The following RBFOX3 variants were observed in gnomAD, a reference collection of about 807,000 sequenced individuals.
RBFOX3 encodes RNA binding protein fox-1 homolog 3.
A neutral mutation model predicts 48.7 loss-of-function variants in RBFOX3; 17 were observed. That is an observed-to-expected ratio of 0.35 (90% confidence interval 0.24 to 0.52). RBFOX3 has a LOEUF of 0.52. Among genes scored for constraint, RBFOX3 ranks in the 20% least tolerant of loss-of-function variants. The pLI is 0.94. For missense variants in RBFOX3, 382 were observed against 497.5 expected (o/e 0.77, Z 2.21); for synonymous variants, 212 against 209.5 (o/e 1.01, Z -0.10).
At chr17:79,182,329 G>A (rs985586501) in intron 4 of RBFOX3, among the ~76,000 whole-genome samples, 1 of 152,204 alleles carries the variant, frequency 6.6e-6, no homozygotes, top group Non-Finnish European at 1.5e-5. Flanking sequence ...CACAGCGCCA[G>A]GAGGAAGAGA....
rs748783939 is a variant in RBFOX3 at position 79,204,408 on chromosome 17, A to T, written c.-34+31358T>A. On this transcript the variant is annotated intron_variant, in intron 4 of 14. Coordinates refer to ENST00000693108, the MANE Select transcript of RBFOX3 (RefSeq NM_001350451.2). The surrounding 1 kb of genome is among the most constrained non-coding windows in gnomAD (Gnocchi z 4.5). Reference sequence around the variant, plus strand: ...GAGGAGAGATTACTGACGTGAAAGTAACTTCTCATGACTCAGGGCTTAATA... The same window carrying T: ...GAGGAGAGATTACTGACGTGAAAGTTACTTCTCATGACTCAGGGCTTAATA... Among the ~76,000 whole-genome samples, 1 of 152,196 alleles carries T rather than the reference A, an allele frequency of 6.6e-6. No homozygotes were observed. The highest frequency in any genetic ancestry group is 1.5e-5 in the Non-Finnish European group (1 of 68,026).
At chr17:79,547,222 G>A (rs1555792181) in intron 1 of RBFOX3, among the ~76,000 whole-genome samples, 1 of 152,172 alleles carries the variant, frequency 6.6e-6, no homozygotes, top group African/African-American at 2.4e-5. Context: ...GCCGAGGCAG[G>A]TGGATCACGA....
chr17:79,656,795 A>AAAGG, the RBFOX3 span, among the ~76,000 whole-genome samples: 1 of 1,128 alleles, frequency 8.9e-4, no homozygotes, highest in Admixed American at 0.011. Context: ...AGAAAGAAAG[A>AAAGG]AAGAAAGAAA....
intron 1 of RBFOX3, among the ~76,000 whole-genome samples, chr17:79,571,174 G>A (rs2092665294): frequency 6.6e-6 from 1 of 152,122 alleles, no homozygotes; most frequent in South Asian, 2.1e-4. Flanking sequence ...GTAGCATCAG[G>A]CATTCAAGAT....
rs138143471 is a variant in RBFOX3 at position 79,091,030 on chromosome 17, T to G, written c.1078-145A>C. On this transcript the variant is annotated intron_variant, in intron 14 of 14. Coordinates refer to ENST00000693108, the MANE Select transcript of RBFOX3 (RefSeq NM_001350451.2). ...GCCCCCCAGGTTTCCAGGACCCTCATCTTCCAGGGCTGAGTGTGGGTGGAT... is the reference window on the plus strand; with the variant it reads ...GCCCCCCAGGTTTCCAGGACCCTCAGCTTCCAGGGCTGAGTGTGGGTGGAT... The G allele has an allele frequency of 9.2e-3, 7,551 of 820,922 alleles. 76 individuals carry two copies. The highest frequency in any genetic ancestry group is 0.043 in the East Asian group (1,577 of 37,092). The allele number at this position is 820,922 out of a possible 1,614,324, so 50.9% of individuals were successfully genotyped here.
At chr17:79,166,972 C>A (rs1408149952) in intron 4 of RBFOX3, among the ~76,000 whole-genome samples, 4 of 152,172 alleles carry the variant, frequency 2.6e-5, no homozygotes, top group African/African-American at 9.7e-5. Context: ...AGTGGCCATG[C>A]CTCCGGGGGC....
chr17:79,543,553 T>C (rs2092014799), intron 1 of RBFOX3, among the ~76,000 whole-genome samples: 1 of 152,066 alleles, frequency 6.6e-6, no homozygotes, highest in South Asian at 2.1e-4. Flanking sequence ...AACCAAGGCC[T>C]TCCTGCCAAC....
chr17:79,444,753 T>C (rs1405224519), intron 2 of RBFOX3, among the ~76,000 whole-genome samples: 1 of 152,038 alleles, frequency 6.6e-6, no homozygotes, highest in Non-Finnish European at 1.5e-5. Context: ...GAGAAGAGCC[T>C]ACAGTTTAGT....
At chr17:79,135,548 G>A (rs868832771) in intron 4 of RBFOX3, among the ~76,000 whole-genome samples, 6 of 152,304 alleles carry the variant, frequency 3.9e-5, no homozygotes, top group Middle Eastern at 3.4e-3. Context: ...TCTGAGCAAA[G>A]GCCTGGGCTG....
At position 79,220,362 on chromosome 17, in the gene RBFOX3, T is replaced by C. The variant is rs569594090; in HGVS notation, c.-34+15404A>G. ...GCTGTCTTAGGAAGTGCGGCTCTCC[T>C]CTCTGCCTCCCGCTCGCTCCTGCTC... On this transcript the variant is annotated intron_variant, in intron 4 of 14. Coordinates refer to ENST00000693108, the MANE Select transcript of RBFOX3 (RefSeq NM_001350451.2). The surrounding 1 kb of genome is among the most constrained non-coding windows in gnomAD (Gnocchi z 5.9). Among the ~76,000 whole-genome samples the C allele has an allele frequency of 1.3e-3, 192 of 152,172 alleles. No individual in the cohort carries two copies. The highest frequency in any genetic ancestry group is 0.01 in the Middle Eastern group (3 of 294).
chr17:79,409,029 C>G (rs892331801), intron 2 of RBFOX3, among the ~76,000 whole-genome samples: 1 of 152,214 alleles, frequency 6.6e-6, no homozygotes, highest in African/African-American at 2.4e-5. Flanking sequence ...TCAGCGACCA[C>G]CAATCTCCTT....
chr17:79,633,272 A>T, the RBFOX3 span, among the ~76,000 whole-genome samples: 1 of 151,992 alleles, frequency 6.6e-6, no homozygotes, highest in Non-Finnish European at 1.5e-5. Flanking sequence ...CCGCCAGAAG[A>T]CTCCCTGGAG....
chr17:79,186,165 T>C (rs1201890833), intron 4 of RBFOX3, among the ~76,000 whole-genome samples: 1 of 152,212 alleles, frequency 6.6e-6, no homozygotes, highest in Non-Finnish European at 1.5e-5. Context: ...CAGATTGCAC[T>C]GGGCCCAGGA....
chr17:79,656,919 A>AGGAAGGAAGGAAGGAAGGAAGG, the RBFOX3 span, among the ~76,000 whole-genome samples: 2 of 150,976 alleles, frequency 1.3e-5, no homozygotes, highest in African/African-American at 4.9e-5. Flanking sequence ...GAAGGAAGGA[A>AGGAAGGAAGGAAGGAAGGAAGG]AAGAAAAGAG....
At chr17:79,519,923 C>A (rs2085817960) in intron 1 of RBFOX3, among the ~76,000 whole-genome samples, 1 of 152,218 alleles carries the variant, frequency 6.6e-6, no homozygotes, top group Non-Finnish European at 1.5e-5. Context: ...CGCTGCTCCC[C>A]ATGGCTGGTT....
At chr17:79,323,792 G>T (rs932480589) in intron 2 of RBFOX3, among the ~76,000 whole-genome samples, 2 of 152,258 alleles carry the variant, frequency 1.3e-5, no homozygotes, top group Non-Finnish European at 2.9e-5. Context: ...GTGGAGCAAT[G>T]CACCAATGCG....
chr17:79,487,507 C>T (rs296143), intron 1 of RBFOX3, among the ~76,000 whole-genome samples: 44,727 of 152,060 alleles, frequency 0.29, 6,941 homozygotes, highest in East Asian at 0.59. Context: ...CGTCCTCAGC[C>T]CCCCGTCAGT....
intron 3 of RBFOX3, among the ~76,000 whole-genome samples, chr17:79,265,874 C>T (rs1600299655): frequency 6.6e-6 from 1 of 152,262 alleles, no homozygotes; most frequent in East Asian, 1.9e-4. Flanking sequence ...ACAGGTGGCT[C>T]AGAACTGGCT....
chr17:79,270,672 C>T (rs892837625), intron 3 of RBFOX3, among the ~76,000 whole-genome samples: 4 of 152,276 alleles, frequency 2.6e-5, no homozygotes, highest in South Asian at 2.1e-4. Context: ...GCAAAGAGAG[C>T]GATGTAGGCA....
Sources: allele counts gnomAD v4.1 joint callset (sites outside exome capture counted in the v4.1 genomes callset), GRCh38; gene constraint gnomAD v4.1.1; non-coding constraint Gnocchi (gnomAD v3.1); transcripts MANE v1.5; gene names NCBI Gene and HGNC (gene_info 2026-07-23, HGNC 2026-07-21).